The following ETV5 variants were observed in gnomAD, a reference collection of about 807,000 sequenced individuals.
The protein encoded by ETV5 is ETS variant transcription factor 5, also known as ETS translocation variant 5.
A neutral mutation model predicts 70.0 loss-of-function variants in ETV5; 10 were observed. The observed-to-expected ratio is 0.14, with a 90% CI of 0.09 to 0.24. The LOEUF (loss-of-function observed/expected upper bound fraction) is 0.24, where lower values mean the gene tolerates loss of function less well. Ranked by LOEUF, ETV5 falls within the 10% of genes least tolerant of loss-of-function variation. ETV5 has a pLI of 1.00. For missense variants in ETV5, 453 were observed against 651.2 expected (o/e 0.70, Z 3.31); for synonymous variants, 216 against 242.2 (o/e 0.89, Z 1.01).
intron 9 of ETV5, among the ~76,000 whole-genome samples, chr3:186,059,898 C>G (rs1328844103): frequency 2.0e-5 from 3 of 152,166 alleles, no homozygotes; most frequent in Non-Finnish European, 4.4e-5. Flanking sequence ...ATAATGCTAA[C>G]TTTTAAGTCA....
intron 8 of ETV5, 106 bp downstream of exon 8, chr3:186,065,707 T>A: frequency 7.3e-7 from 1 of 1,369,960 alleles, no homozygotes; most frequent in Non-Finnish European, 9.9e-7. Flanking sequence ...TTATAAAAAA[T>A]TCTTATAAAA....
rs922567759 is a variant in ETV5 at position 186,047,438 on chromosome 3, T to C, written c.*1201A>G. On this transcript the variant is annotated 3_prime_UTR_variant, in exon 13 of 13. Transcript: ENST00000306376. ...ATGAAATGGAAATTGTCATCAGTCA[T>C]GCCCAGGGAAGAATCCCAAGGGTTT... The C allele has an allele frequency of 3.4e-5, 8 of 231,964 alleles. No homozygotes were observed. The highest frequency in any genetic ancestry group is 1.8e-4 in the African/African-American group (8 of 45,252). The allele number at this position is 231,964 out of a possible 1,614,324, so 14.4% of individuals were successfully genotyped here. A position where few individuals can be genotyped will look rare whatever the true frequency, so the allele number is the denominator to read the frequency against.
rs182531902 is a variant in ETV5, at chr3:186,088,272, C to T, written c.233-7097G>A. ...ACAGAAGCTGACCAGAGCACTGACACGTGCTTCTGAATGGCGTGTCCATGA... is the reference window on the plus strand; with the variant it reads ...ACAGAAGCTGACCAGAGCACTGACATGTGCTTCTGAATGGCGTGTCCATGA... On this transcript the variant is annotated intron_variant, in intron 5 of 12. Transcript: ENST00000306376. Among the ~76,000 whole-genome samples the T allele has an allele frequency of 7.7e-4, 117 of 152,366 alleles. 2 individuals carry two copies. In the East Asian group the frequency reaches 0.017, roughly 23 times the overall value.
intron 12 of ETV5, among the ~76,000 whole-genome samples, chr3:186,051,775 G>A (rs537740136): frequency 6.6e-6 from 1 of 152,308 alleles, no homozygotes; most frequent in East Asian, 1.9e-4. Context: ...TTTTGGGAAA[G>A]CAGAGAAGCC....
chr3:186,048,173 G>C lies in ETV5; in HGVS notation c.*466C>G. On this transcript the variant is annotated 3_prime_UTR_variant, in exon 13 of 13. Transcript: ENST00000306376. ...TTAAGATGTATTTTTAACCCTTAAT[G>C]GTTTGAGCCTCCCCAACTTAGCCTA... 4.1e-6 allele frequency: 1 copy of C among 243,538 alleles called. No homozygotes were observed. Among genetic ancestry groups the C allele is most frequent in the Non-Finnish European group, 8.1e-6 (1 of 123,970 alleles). 15.1% of individuals were successfully genotyped at this position (243,538 alleles called of 1,614,324 possible).
chr3:186,106,021 A>T, intron 1 of ETV5, 79 bp from the exon 2 acceptor site: 1 of 1,017,670 alleles, frequency 9.8e-7, no homozygotes. Flanking sequence ...CCTTTTTTTT[A>T]GGGCCTGTGC....
intron 1 of ETV5, chr3:186,106,869 C>T (rs1714601349): frequency 1.2e-6 from 1 of 845,692 alleles, no homozygotes; most frequent in Non-Finnish European, 1.4e-6. Context: ...GAGGTACCAT[C>T]TTCCTAAACA....
chr3:186,048,592 A>G lies in ETV5; in HGVS notation c.*47T>C, dbSNP rs745982504. The stretch of plus-strand genomic sequence containing the variant: ...AAAACCACTGCCCTTGTTTGCCTGA[A>G]TGGGAACTGCTAGCTCTAGGGTTTG... On this transcript the variant is annotated 3_prime_UTR_variant, in exon 13 of 13. Transcript: ENST00000306376. 1.1e-5 allele frequency: 17 copies of G among 1,545,346 alleles called. No homozygotes were observed. In the East Asian group the frequency reaches 3.8e-4, roughly 35 times the overall value.
At chr3:186,095,114 T>C (rs1714274327) in intron 5 of ETV5, 1 of 152,210 alleles carries the variant, frequency 6.6e-6, no homozygotes, top group South Asian at 2.1e-4. Context: ...ACTCAACCTG[T>C]AGAAATATGA....
rs374587498 is a variant in ETV5, at chr3:186,101,750, C to T, written c.232+3555G>A. ...CTTCCTCTTACTTCACCTAAACCTTCCCATCTGCCCCCACTACTGGTCAGT... is the reference window on the plus strand; with the variant it reads ...CTTCCTCTTACTTCACCTAAACCTTTCCATCTGCCCCCACTACTGGTCAGT... On this transcript the variant is annotated intron_variant, in intron 5 of 12. Coordinates refer to ENST00000306376, the MANE Select transcript of ETV5 (RefSeq NM_004454.3). 5.3e-5 allele frequency among the ~76,000 whole-genome samples: 8 copies of T among 152,308 alleles called. No individual in the cohort carries two copies. The East Asian group carries it at 1.3e-3, about 26-fold the overall frequency.
chr3:186,092,319 A>G (rs374529346), intron 5 of ETV5, among the ~76,000 whole-genome samples: 1 of 152,232 alleles, frequency 6.6e-6, no homozygotes, highest in African/African-American at 2.4e-5. Flanking sequence ...TTAGTAGACA[A>G]TGGTATCTGA....
intron 7 of ETV5, among the ~76,000 whole-genome samples, chr3:186,075,102 C>A (rs898544840): frequency 1.3e-5 from 2 of 152,042 alleles, no homozygotes; most frequent in South Asian, 4.2e-4. Flanking sequence ...TAACAAGAAG[C>A]CTACAGTAAA....
At position 186,058,188 on chromosome 3, in the gene ETV5, A is replaced by C. The variant is rs912438922; in HGVS notation, c.971-697T>G. On this transcript the variant is annotated intron_variant, in intron 9 of 12. Coordinates refer to ENST00000306376, the MANE Select transcript of ETV5 (RefSeq NM_004454.3). ...ATAAAAGAAGGCAAGGCAAAAAGTT[A>C]AAGGGCTCAAGAAGGAAGGATGGCC... Among the ~76,000 whole-genome samples the C allele has an allele frequency of 4.6e-5, 7 of 152,236 alleles. 1 individual carries two copies. Among genetic ancestry groups the C allele is most frequent in the African/African-American group, 1.7e-4 (7 of 41,460 alleles).
intron 5 of ETV5, chr3:186,104,984 C>T (rs557022006): frequency 4.1e-5 from 8 of 195,842 alleles, no homozygotes; most frequent in African/African-American, 9.5e-5. Context: ...TCAAGTGATC[C>T]ACCTGCCTCA....
intron 7 of ETV5, among the ~76,000 whole-genome samples, chr3:186,076,871 T>C (rs888728630): frequency 6.6e-6 from 1 of 152,180 alleles, no homozygotes; most frequent in African/African-American, 2.4e-5. Context: ...GTTGAAGAGA[T>C]AGATAGAACT....
chr3:186,057,614 T>C lies in ETV5; in HGVS notation c.971-123A>G. 6.1e-6 allele frequency: 5 copies of C among 819,832 alleles called. No homozygotes were observed. Among genetic ancestry groups the C allele is most frequent in the Admixed American group, 2.0e-5 (1 of 50,422 alleles). The allele number at this position is 819,832 out of a possible 1,614,324, so 50.8% of individuals were successfully genotyped here. On this transcript the variant is annotated intron_variant, in intron 9 of 12. Coordinates refer to ENST00000306376, the MANE Select transcript of ETV5 (RefSeq NM_004454.3). This position sits in a 1 kb window ranked among gnomAD's most constrained non-coding sequence, Gnocchi z 4.9. ...AGATCCTAAGTCCTACTGCTGTATC[T>C]ATGGCAGACTGAATTTTCAGGGACT... is the stretch of plus-strand genomic sequence containing the variant.
intron 6 of ETV5, 45 bp from the exon 7 acceptor site, chr3:186,080,149 C>A (rs747119711): frequency 3.5e-6 from 5 of 1,427,890 alleles, no homozygotes; most frequent in Non-Finnish European, 9.2e-7. Context: ...GAAATGAAGC[C>A]ATTAGCATGG....
chr3:186,052,283 G>A lies in ETV5; in HGVS notation c.1210-152C>T. 1.6e-6 allele frequency: 1 copy of A among 640,210 alleles called. No homozygotes were observed. 39.7% of individuals were successfully genotyped at this position (640,210 alleles called of 1,614,324 possible). On this transcript the variant is annotated intron_variant, in intron 11 of 12. Transcript: ENST00000306376. This position sits in a 1 kb window ranked among gnomAD's most constrained non-coding sequence, Gnocchi z 4.5. Reference sequence around the variant, plus strand: ...AAGGGAAGGCATTTAACTCCCTCAAGACCAAACATTCAACAAAGGCGATGA... The same window carrying A: ...AAGGGAAGGCATTTAACTCCCTCAAAACCAAACATTCAACAAAGGCGATGA...
At chr3:186,089,659 T>C (rs1174858152) in intron 5 of ETV5, among the ~76,000 whole-genome samples, 1 of 152,216 alleles carries the variant, frequency 6.6e-6, no homozygotes, top group African/African-American at 2.4e-5. Flanking sequence ...TGCATTTCTA[T>C]ATATTCTTTA....
Sources: allele counts gnomAD v4.1 joint callset (sites outside exome capture counted in the v4.1 genomes callset), GRCh38; gene constraint gnomAD v4.1.1; non-coding constraint Gnocchi (gnomAD v3.1); transcripts MANE v1.5; gene names NCBI Gene and HGNC (gene_info 2026-07-23, HGNC 2026-07-21).